UBE2E1: variants seen among roughly 807,000 people sequenced by gnomAD.
UBE2E1 encodes ubiquitin-conjugating enzyme E2 E1.
Under a neutral mutation model 21.4 loss-of-function variants are expected in UBE2E1, and 6 were observed. That is an observed-to-expected ratio of 0.28 (90% CI 0.15 to 0.55). The LOEUF (loss-of-function observed/expected upper bound fraction) is 0.55, where lower values mean the gene tolerates loss of function less well. Ranked by LOEUF, UBE2E1 falls within the 20% of genes least tolerant of loss-of-function variation. The pLI is 0.93. For missense variants in UBE2E1, 142 were observed against 236.5 expected (o/e 0.60, Z 2.62); for synonymous variants, 87 against 82.7 (o/e 1.05, Z -0.28).
At chr3:23,822,256 C>T (rs1699660165) in intron 3 of UBE2E1, among the ~76,000 whole-genome samples, 1 of 152,038 alleles carries the variant, frequency 6.6e-6, no homozygotes, top group Non-Finnish European at 1.5e-5. Context: ...AGAGGAGAGA[C>T]AATGGAAAAG....
chr3:23,852,247 A>G (rs944145898), intron 3 of UBE2E1, among the ~76,000 whole-genome samples: 2 of 152,240 alleles, frequency 1.3e-5, no homozygotes, highest in Non-Finnish European at 2.9e-5. Context: ...CACATGATTC[A>G]TGAACATTAA....
rs916106299 is a variant in UBE2E1, at chr3:23,830,566, T to C, written c.203+19056T>C. Among the ~76,000 whole-genome samples the C allele has an allele frequency of 6.6e-5, 10 of 152,242 alleles. No homozygotes were observed. The East Asian group carries it at 1.7e-3, about 26-fold the overall frequency. ...TGGGGTGGGGGCAGGTTTGGGGTTT[T>C]GGTTGTGTAGAAGCTCCTTATGAGA... On this transcript the variant is annotated intron_variant, in intron 3 of 5. Transcript: ENST00000306627.
rs529259594 is a variant in UBE2E1 at position 23,810,133 on chromosome 3, C to T, written c.153-1327C>T. ...AACGTATCCTTTGTGAATTAGATTG[C>T]TCTGTGTGTGTGTTTAAAATTTTTT... On this transcript the variant is annotated intron_variant, in intron 2 of 5. Transcript: ENST00000306627. The surrounding 1 kb of genome is among the most constrained non-coding windows in gnomAD (Gnocchi z 5.8). 2.6e-5 allele frequency among the ~76,000 whole-genome samples: 4 copies of T among 152,156 alleles called. No individual in the cohort carries two copies. The highest frequency in any genetic ancestry group is 9.7e-5 in the African/African-American group (4 of 41,430).
In UBE2E1 at chr3:23,855,323, ATT is replaced by A. The variant is rs991183214; in HGVS notation, c.204-32243_204-32242del. On this transcript the variant is annotated intron_variant, in intron 3 of 5. Coordinates refer to ENST00000306627, the MANE Select transcript of UBE2E1 (RefSeq NM_003341.5). ...TACATCTTGATACGTTAATTTTCATATTGTTTCATTTCATTATAATACCTTCA... is the reference window on the plus strand; with the variant it reads ...TACATCTTGATACGTTAATTTTCATAGTTTCATTTCATTATAATACCTTCA... 9.2e-5 allele frequency among the ~76,000 whole-genome samples: 14 copies of A among 152,214 alleles called. No individual in the cohort carries two copies. In the East Asian group the frequency reaches 1.7e-3, roughly 19 times the overall value.
intron 3 of UBE2E1, among the ~76,000 whole-genome samples, chr3:23,845,074 G>A (rs1241858669): frequency 1.3e-5 from 2 of 152,156 alleles, no homozygotes; most frequent in Non-Finnish European, 2.9e-5. Flanking sequence ...TATGAAGGTA[G>A]ACTAGGTAGA....
intron 3 of UBE2E1, among the ~76,000 whole-genome samples, chr3:23,815,071 C>T (rs1053906821): frequency 1.3e-5 from 2 of 152,144 alleles, no homozygotes; most frequent in African/African-American, 2.4e-5. Flanking sequence ...GCCTTGACCT[C>T]CTGGGCTTAA....
intron 1 of UBE2E1, 169 bp from the exon 2 acceptor site, chr3:23,807,067 GC>G: frequency 2.0e-6 from 1 of 498,312 alleles, no homozygotes. Flanking sequence ...TAAACAAGCC[GC>G]GTCCGATTTG....
intron 3 of UBE2E1, among the ~76,000 whole-genome samples, chr3:23,865,953 A>G (rs1258827680): frequency 6.6e-6 from 1 of 152,068 alleles, no homozygotes; most frequent in East Asian, 1.9e-4. Flanking sequence ...TTTGAAAGCT[A>G]TTGTCTACTG....
intron 2 of UBE2E1, 81 bp from the exon 3 acceptor site, chr3:23,811,379 T>C: frequency 7.4e-7 from 1 of 1,354,196 alleles, no homozygotes; most frequent in Non-Finnish European, 1.1e-6. Context: ...TAGGTTTATC[T>C]GCAGACCTGC....
In UBE2E1 at chr3:23,807,252, T is replaced by A. The variant is rs368849761; in HGVS notation, c.-18T>A. 6.2e-7 allele frequency: 1 copy of A among 1,602,248 alleles called. No individual in the cohort carries two copies. Among genetic ancestry groups the A allele is most frequent in the Non-Finnish European group, 8.5e-7 (1 of 1,175,958 alleles). ...CCCCCTGCAGGGGCTGTTTGCGGGG[T>A]GGGGTGGGGGGTTCGCTATGTCGGA... On this transcript the variant is annotated 5_prime_UTR_variant, in exon 2 of 6. Transcript: ENST00000306627.
intron 3 of UBE2E1, among the ~76,000 whole-genome samples, chr3:23,839,710 T>C (rs1208713161): frequency 6.6e-6 from 1 of 152,040 alleles, no homozygotes; most frequent in Non-Finnish European, 1.5e-5. Flanking sequence ...CTGTTGGATA[T>C]AGGATTTTAG....
At chr3:23,886,145 A>AC (rs1186588495) in intron 3 of UBE2E1, among the ~76,000 whole-genome samples, 1 of 152,198 alleles carries the variant, frequency 6.6e-6, no homozygotes. Flanking sequence ...GGCTACAGTG[A>AC]CCCGAGATCA....
rs1296515539 is a variant in UBE2E1, at chr3:23,810,534, G to T, written c.153-926G>T. 6.5e-7 allele frequency: 1 copy of T among 1,534,778 alleles called. No homozygotes were observed. Among genetic ancestry groups the T allele is most frequent in the Non-Finnish European group, 8.7e-7 (1 of 1,146,190 alleles). ...GGACGCCCGGGGAAAAGCAGGTCCGGGGAGGTGGGCCGAGAGTCCCGGCCA... is the reference window on the plus strand; with the variant it reads ...GGACGCCCGGGGAAAAGCAGGTCCGTGGAGGTGGGCCGAGAGTCCCGGCCA... On this transcript the variant is annotated intron_variant, in intron 2 of 5. Coordinates refer to ENST00000306627, the MANE Select transcript of UBE2E1 (RefSeq NM_003341.5). The surrounding 1 kb of genome is among the most constrained non-coding windows in gnomAD (Gnocchi z 5.8).
intron 3 of UBE2E1, among the ~76,000 whole-genome samples, chr3:23,877,400 T>G (rs1240608497): frequency 6.6e-6 from 1 of 152,154 alleles, no homozygotes; most frequent in Non-Finnish European, 1.5e-5. Flanking sequence ...CTGAGCAAAT[T>G]TTCTCTAAGG....
rs1026110832 is a variant in UBE2E1 at position 23,887,118 on chromosome 3, T to C, written c.204-449T>C. 2.0e-5 allele frequency among the ~76,000 whole-genome samples: 3 copies of C among 152,224 alleles called. No homozygotes were observed. Among genetic ancestry groups the C allele is most frequent in the South Asian group, 2.1e-4 (1 of 4,830 alleles). On this transcript the variant is annotated intron_variant, in intron 3 of 5. Transcript: ENST00000306627. This position sits in a 1 kb window ranked among gnomAD's most constrained non-coding sequence, Gnocchi z 4.4. ...TTAGATTCTTTTAAAGGTGAGATTA[T>C]GGAGATAGAAGAGCAAGGAAGAGCC...
At position 23,816,246 on chromosome 3, in the gene UBE2E1, T is replaced by C. The variant is rs77320985; in HGVS notation, c.203+4736T>C. 0.04 allele frequency among the ~76,000 whole-genome samples: 6,106 copies of C among 152,298 alleles called. 178 individuals are homozygous for C. The highest frequency in any genetic ancestry group is 0.11 in the East Asian group (550 of 5,186). On this transcript the variant is annotated intron_variant, in intron 3 of 5. Transcript: ENST00000306627. The surrounding 1 kb of genome is among the most constrained non-coding windows in gnomAD (Gnocchi z 4.8). ...GAGGCTCAAACAGATAACCTGTATG[T>C]CAGTATTCATAGCATTATTCATAGT...
chr3:23,845,153 A>G (rs1326793130), intron 3 of UBE2E1, among the ~76,000 whole-genome samples: 2 of 152,228 alleles, frequency 1.3e-5, no homozygotes, highest in Non-Finnish European at 2.9e-5. Context: ...CAGGCCAGGA[A>G]GGATTTCCTA....
chr3:23,871,284 T>C (rs7432555), intron 3 of UBE2E1, among the ~76,000 whole-genome samples: 1 of 21,110 alleles, frequency 4.7e-5, no homozygotes. Flanking sequence ...CCTCCCGGAC[T>C]GGGCGGCTGG....
At chr3:23,834,000 G>A (rs1035222337) in intron 3 of UBE2E1, among the ~76,000 whole-genome samples, 1 of 152,052 alleles carries the variant, frequency 6.6e-6, no homozygotes, top group African/African-American at 2.4e-5. Flanking sequence ...AAAATAAAAA[G>A]ATGCCAGAAG....
Sources: gnomAD v4.1 joint callset for allele counts (sites outside exome capture counted in the v4.1 genomes callset) on GRCh38, gnomAD v4.1.1 for gene constraint, Gnocchi (gnomAD v3.1) non-coding constraint, MANE v1.5 for transcripts, NCBI Gene and HGNC (gene_info 2026-07-23, HGNC 2026-07-21) for gene names.